The following VPS53 variants were observed in gnomAD, a reference collection of about 807,000 sequenced individuals.
The protein encoded by VPS53 is VPS53 subunit of GARP complex.
A neutral mutation model predicts 107.0 loss-of-function variants in VPS53; 70 were observed. The observed-to-expected ratio is 0.65, with a 90% CI of 0.54 to 0.80. The LOEUF (loss-of-function observed/expected upper bound fraction) is 0.80, where lower values mean the gene tolerates loss of function less well. VPS53 is among the 30% of genes least tolerant of loss of function. The pLI, the probability that VPS53 is intolerant of heterozygous loss-of-function variation, is 0.00. For synonymous variants in VPS53, 409 were observed against 393.3 expected, an observed-to-expected ratio of 1.04 and a Z score of -0.47; for missense variants, 917 against 1,049.4, an observed-to-expected ratio of 0.87 and a Z score of 1.74.
chr17:685,559 A>C (rs1054840415), intron 4 of VPS53, among the ~76,000 whole-genome samples: 1 of 152,214 alleles, frequency 6.6e-6, no homozygotes, highest in Non-Finnish European at 1.5e-5. Flanking sequence ...TGAGCAAATA[A>C]ATTTAAGGCA....
chr17:518,082 T>G lies in VPS53; in HGVS notation c.*1046A>C, dbSNP rs1908434937. 6.6e-6 allele frequency: 1 copy of G among 152,350 alleles called. No individual in the cohort carries two copies. The highest frequency in any genetic ancestry group is 6.5e-5 in the Admixed American group (1 of 15,288). The allele number at this position is 152,350 out of a possible 1,614,324, so 9.4% of individuals were successfully genotyped here. The stretch of plus-strand genomic sequence containing the variant: ...CGCCGTGCCTGGCAAGATATCATTC[T>G]TCAGCAAAAGCAGGCAGCAACAGCA... On this transcript the variant is annotated 3_prime_UTR_variant, in exon 22 of 22. Transcript: ENST00000437048.
chr17:519,202 G>A lies in VPS53; in HGVS notation c.2425C>T (p.Leu809=). The A allele has an allele frequency of 1.3e-6, 2 of 1,549,104 alleles. No individual in the cohort carries two copies. Among genetic ancestry groups the A allele is most frequent in the African/African-American group, 1.4e-5 (1 of 72,988 alleles). The change falls in exon 22 of 22, where the codon CTG becomes TTG. Residue 809 remains leucine (L), a synonymous_variant. Coordinates refer to ENST00000437048, the MANE Select transcript of VPS53 (RefSeq NM_001128159.3). This position sits in a 1 kb window ranked among gnomAD's most constrained non-coding sequence, Gnocchi z 5.0. The part of the protein sequence containing the change: ...SGAESSGSLS[L]TAPTPEQESS... ...TCTTGCTCTGGTGTTGGCGCCGTCA[G>A]GGACAGTGAGCCGGAGCTTTCTGCC...
intron 4 of VPS53, among the ~76,000 whole-genome samples, chr17:680,078 C>T (rs1019008161): frequency 6.6e-6 from 1 of 151,994 alleles, no homozygotes; most frequent in Non-Finnish European, 1.5e-5. Flanking sequence ...TGAATCATTT[C>T]AGGTCAGGAG....
In VPS53 at chr17:520,784, GCT is replaced by G. The variant is rs1908680883; in HGVS notation, c.2223+815_2223+816del. ...GGCAGCTTCACCCTCACCTACATGAGCTCTTCACCCTCACCTACATGAGCTGC... is the reference window on the plus strand; with the variant it reads ...GGCAGCTTCACCCTCACCTACATGAGCTTCACCCTCACCTACATGAGCTGC... On this transcript the variant is annotated intron_variant, in intron 20 of 21. Coordinates refer to ENST00000437048, the MANE Select transcript of VPS53 (RefSeq NM_001128159.3). The surrounding 1 kb of genome is among the most constrained non-coding windows in gnomAD (Gnocchi z 4.4). 6.7e-6 allele frequency among the ~76,000 whole-genome samples: 1 copy of G among 149,624 alleles called. No homozygotes were observed. Among genetic ancestry groups the G allele is most frequent in the Non-Finnish European group, 1.5e-5 (1 of 67,376 alleles).
rs1468127734 is a variant in VPS53 at position 520,144 on chromosome 17, G to T, written c.2224-214C>A. On this transcript the variant is annotated intron_variant, in intron 20 of 21. Coordinates refer to ENST00000437048, the MANE Select transcript of VPS53 (RefSeq NM_001128159.3). The surrounding 1 kb of genome is among the most constrained non-coding windows in gnomAD (Gnocchi z 4.4). ...CAACCCAGACTAGAAACGCCCCAGT[G>T]GCCCATCTCATCTTCACATGCCACT... Among the ~76,000 whole-genome samples, 2 of 152,172 alleles carry T rather than the reference G, an allele frequency of 1.3e-5. No homozygotes were observed. The highest frequency in any genetic ancestry group is 2.9e-5 in the Non-Finnish European group (2 of 68,036).
rs1378049012 is a variant in VPS53 at position 684,329 on chromosome 17, C to T, written c.285+13089G>A. ...CCCAAAAGCCTACAAAAAAAAAATT[C>T]CTGAAACTAATAAGTGAGTTCAGCA... is the stretch of plus-strand genomic sequence containing the variant. On this transcript the variant is annotated intron_variant, in intron 4 of 21. Coordinates refer to ENST00000437048, the MANE Select transcript of VPS53 (RefSeq NM_001128159.3). 2.0e-5 allele frequency among the ~76,000 whole-genome samples: 3 copies of T among 152,028 alleles called. No homozygotes were observed. In the East Asian group the frequency reaches 5.8e-4, roughly 29 times the overall value.
At chr17:648,792 A>G (rs534064435) in intron 7 of VPS53, among the ~76,000 whole-genome samples, 1 of 138,746 alleles carries the variant, frequency 7.2e-6, no homozygotes, top group African/African-American at 2.6e-5. Flanking sequence ...ACTGGAGGAC[A>G]GAGGAATGGA....
chr17:650,662 T>C (rs1193983761), intron 7 of VPS53, among the ~76,000 whole-genome samples: 3 of 152,204 alleles, frequency 2.0e-5, no homozygotes, highest in African/African-American at 7.2e-5. Context: ...ACTACAAGTA[T>C]ATAAAGCTTT....
intron 8 of VPS53, 42 bp from the exon 9 acceptor site, chr17:628,273 C>A (rs1275398697): frequency 1.4e-5 from 23 of 1,605,498 alleles, no homozygotes; most frequent in Non-Finnish European, 2.0e-5. Context: ...CCAGAAACAA[C>A]CTTTAAACCT....
chr17:672,584 G>T (rs762327014), intron 4 of VPS53, among the ~76,000 whole-genome samples: 6 of 152,166 alleles, frequency 3.9e-5, no homozygotes, highest in Non-Finnish European at 8.8e-5. Flanking sequence ...AGACTCAGAA[G>T]AACGGCTCAT....
chr17:581,229 G>A (rs1336417557), intron 13 of VPS53, among the ~76,000 whole-genome samples: 7 of 150,276 alleles, frequency 4.7e-5, no homozygotes, highest in Non-Finnish European at 7.4e-5. Context: ...GACCTGATGC[G>A]TTCCCAGAGA....
chr17:573,676 G>A (rs1384249046), intron 13 of VPS53, among the ~76,000 whole-genome samples: 1 of 152,088 alleles, frequency 6.6e-6, no homozygotes, highest in Non-Finnish European at 1.5e-5. Flanking sequence ...CCATGAGGTC[G>A]GCCTTATGAT....
At chr17:675,899 A>G (rs954039697) in intron 4 of VPS53, among the ~76,000 whole-genome samples, 8 of 152,098 alleles carry the variant, frequency 5.3e-5, no homozygotes, top group African/African-American at 1.9e-4. Context: ...TCCAGGTATC[A>G]CATACAATAC....
intron 17 of VPS53, among the ~76,000 whole-genome samples, chr17:548,580 A>ACATTT (rs1597280649): frequency 1.9e-5 from 2 of 106,906 alleles, no homozygotes; most frequent in South Asian, 2.9e-4. Flanking sequence ...TCCTTCTGGA[A>ACATTT]ATATCCAACG....
At chr17:714,590 C>A (rs753598231) in intron 1 of VPS53, 33 bp downstream of exon 1, 2 of 1,587,392 alleles carry the variant, frequency 1.3e-6, no homozygotes, top group East Asian at 4.7e-5. Context: ...CTCCCGCACT[C>A]CCGTTTCCCC....
chr17:701,315 T>C (rs2143946203), intron 2 of VPS53, among the ~76,000 whole-genome samples: 1 of 149,864 alleles, frequency 6.7e-6, no homozygotes, highest in Middle Eastern at 3.4e-3. Context: ...TAAACAGCCC[T>C]GTCTCAAAAA....
At chr17:623,130 C>T (rs1054164108) in intron 11 of VPS53, among the ~76,000 whole-genome samples, 1 of 152,062 alleles carries the variant, frequency 6.6e-6, no homozygotes, top group Non-Finnish European at 1.5e-5. Flanking sequence ...TTGGGGTTTA[C>T]AGAGACTCAT....
At chr17:637,380 A>G (rs1970240962) in intron 7 of VPS53, among the ~76,000 whole-genome samples, 1 of 151,982 alleles carries the variant, frequency 6.6e-6, no homozygotes, top group South Asian at 2.1e-4. Context: ...TCCTGGATTC[A>G]TTGATTTTTT....
intron 1 of VPS53, 127 bp downstream of exon 1, chr17:714,496 A>G (rs1597526459): frequency 1.2e-6 from 1 of 826,996 alleles, no homozygotes; most frequent in African/African-American, 1.8e-5. Flanking sequence ...CCACCTCCCC[A>G]CCTCCACTTT....
Sources: allele counts gnomAD v4.1 joint callset (sites outside exome capture counted in the v4.1 genomes callset), GRCh38; gene constraint gnomAD v4.1.1; non-coding constraint Gnocchi (gnomAD v3.1); transcripts MANE v1.5; gene names NCBI Gene and HGNC (gene_info 2026-07-23, HGNC 2026-07-21).